The following TTC28 variants were observed in gnomAD, a reference collection of about 807,000 sequenced individuals.
TTC28 encodes tetratricopeptide repeat domain 28, also known as tetratricopeptide repeat protein 28.
In TTC28, 61 loss-of-function variants were observed where a neutral mutation model predicts 198.0. The ratio of observed to expected loss-of-function variants is 0.31; its 90% CI spans 0.25 to 0.38. The LOEUF (loss-of-function observed/expected upper bound fraction) is 0.38. Among genes scored for constraint, TTC28 ranks in the 10% least tolerant of loss-of-function variants. The probability of loss-of-function intolerance (pLI) is 1.00; values close to 1 mark genes in which losing one functional copy is unlikely to be tolerated. For missense variants in TTC28, 2,678 were observed against 3,164.0 expected, an observed-to-expected ratio of 0.85 and a Z score of 3.69; for synonymous variants, 1,171 against 1,297.8, an observed-to-expected ratio of 0.90 and a Z score of 2.10.
intron 2 of TTC28, among the ~76,000 whole-genome samples, chr22:28,473,353 C>T (rs1354928620): frequency 6.6e-6 from 1 of 152,128 alleles, no homozygotes; most frequent in Non-Finnish European, 1.5e-5. Flanking sequence ...GGACTCAACT[C>T]TGGAGGTGGG....
intron 6 of TTC28, among the ~76,000 whole-genome samples, chr22:28,129,702 G>A (rs1363922639): frequency 6.6e-6 from 1 of 152,106 alleles, no homozygotes; most frequent in African/African-American, 2.4e-5. Flanking sequence ...TTCACCTCAG[G>A]GGAAATGATT....
intron 2 of TTC28, among the ~76,000 whole-genome samples, chr22:28,577,342 T>C (rs1025151090): frequency 2.0e-5 from 3 of 152,202 alleles, no homozygotes; most frequent in Admixed American, 1.3e-4. Context: ...ATACTTGAGA[T>C]TATTTCAATT....
chr22:28,660,184 C>G (rs183011664), intron 1 of TTC28, among the ~76,000 whole-genome samples: 7 of 152,238 alleles, frequency 4.6e-5, no homozygotes, highest in African/African-American at 1.2e-4. Flanking sequence ...AATTCTGAAT[C>G]AAAACACAAC....
intron 6 of TTC28, among the ~76,000 whole-genome samples, chr22:28,125,898 C>T (rs959723754): frequency 6.6e-6 from 1 of 152,096 alleles, no homozygotes; most frequent in Non-Finnish European, 1.5e-5. Flanking sequence ...TATGAGGCAT[C>T]TGCATAAAGT....
chr22:28,599,576 G>T (rs1358758883), intron 2 of TTC28, among the ~76,000 whole-genome samples: 1 of 152,052 alleles, frequency 6.6e-6, no homozygotes, highest in Non-Finnish European at 1.5e-5. Context: ...ATCCCTTGAG[G>T]CCAGGAGCTC....
rs184991469 is a variant in TTC28 at position 28,215,877 on chromosome 22, T to C, written c.934-52278A>G. On this transcript the variant is annotated intron_variant, in intron 5 of 22. Coordinates refer to ENST00000397906, the MANE Select transcript of TTC28 (RefSeq NM_001145418.2). ...TAACTTTTCTTAGTCTTAGGTACAA[T>C]GGTTTTCTTGAAATCAGAGAGAAAA... is the stretch of plus-strand genomic sequence containing the variant. Among the ~76,000 whole-genome samples, 217 of 152,348 alleles carry C rather than the reference T, an allele frequency of 1.4e-3. 1 individual carries two copies. Among genetic ancestry groups the C allele is most frequent in the Non-Finnish European group, 2.6e-3 (178 of 68,034 alleles).
At chr22:28,464,126 A>C (rs1601429863) in intron 2 of TTC28, among the ~76,000 whole-genome samples, 1 of 152,270 alleles carries the variant, frequency 6.6e-6, no homozygotes, top group South Asian at 2.1e-4. Context: ...AACCCTTTCC[A>C]TCATCTTCCT....
chr22:28,267,092 G>A (rs1019746988), intron 5 of TTC28, among the ~76,000 whole-genome samples: 11 of 152,182 alleles, frequency 7.2e-5, no homozygotes, highest in African/African-American at 2.2e-4. Flanking sequence ...ATATTCACTT[G>A]AGAAAACTGA....
intron 5 of TTC28, among the ~76,000 whole-genome samples, chr22:28,233,679 C>T (rs973660601): frequency 2.0e-5 from 3 of 152,156 alleles, no homozygotes; most frequent in East Asian, 3.8e-4. Context: ...AATGTGCATA[C>T]TACAGTCTAA....
At chr22:28,256,808 G>A (rs1930958074) in intron 5 of TTC28, among the ~76,000 whole-genome samples, 1 of 152,250 alleles carries the variant, frequency 6.6e-6, no homozygotes, top group African/African-American at 2.4e-5. Context: ...GGAAGCTGAA[G>A]TGGGAGCATT....
chr22:28,096,891 G>A (rs1386966686), intron 10 of TTC28, among the ~76,000 whole-genome samples: 3 of 151,374 alleles, frequency 2.0e-5, no homozygotes, highest in African/African-American at 7.3e-5. Context: ...TGCAATCTCC[G>A]CCCCCTGGGT....
intron 6 of TTC28, among the ~76,000 whole-genome samples, chr22:28,153,417 A>C (rs980977855): frequency 2.0e-5 from 3 of 150,316 alleles, no homozygotes; most frequent in Non-Finnish European, 4.4e-5. Flanking sequence ...AAAAAAAAAA[A>C]ACCTTCGTTT....
intron 2 of TTC28, among the ~76,000 whole-genome samples, chr22:28,522,488 C>CAA (rs1258320862): frequency 1.8e-4 from 12 of 66,176 alleles, no homozygotes; most frequent in Non-Finnish European, 2.5e-4. Flanking sequence ...AACTCCGTCT[C>CAA]AAAAAAAAAA....
chr22:27,990,174 G>T, intron 20 of TTC28, 167 bp from the exon 21 acceptor site: 1 of 933,088 alleles, frequency 1.1e-6, no homozygotes, highest in Non-Finnish European at 1.5e-6. Context: ...CTACTGTCCT[G>T]CTGTCCTCTC....
chr22:27,985,201 G>A (rs1213281496), intron 22 of TTC28, 48 bp downstream of exon 22: 2 of 1,372,974 alleles, frequency 1.5e-6, no homozygotes, highest in Admixed American at 4.1e-5. Flanking sequence ...CCCCCAGGGA[G>A]AGCATGGCAG....
At chr22:28,452,880 T>G (rs548019510) in intron 2 of TTC28, among the ~76,000 whole-genome samples, 9 of 152,198 alleles carry the variant, frequency 5.9e-5, no homozygotes, top group Non-Finnish European at 1.2e-4. Flanking sequence ...TAGCCCCAGT[T>G]CTTTACCAGA....
At chr22:28,151,145 T>C (rs1410151984) in intron 6 of TTC28, among the ~76,000 whole-genome samples, 1 of 152,220 alleles carries the variant, frequency 6.6e-6, no homozygotes, top group African/African-American at 2.4e-5. Context: ...ATAGAGCTGT[T>C]GTGTTTTCCT....
intron 1 of TTC28, among the ~76,000 whole-genome samples, chr22:28,656,666 C>A (rs1270177010): frequency 6.6e-6 from 1 of 152,190 alleles, no homozygotes; most frequent in African/African-American, 2.4e-5. Context: ...AAATCAGTGA[C>A]TCCAATCTGT....
At chr22:28,088,614 G>C (rs561551491) in intron 12 of TTC28, among the ~76,000 whole-genome samples, 4 of 152,090 alleles carry the variant, frequency 2.6e-5, no homozygotes, top group African/African-American at 9.7e-5. Flanking sequence ...CAAGGACTTC[G>C]TGTATAAAAC....
Sources: allele counts gnomAD v4.1 joint callset (sites outside exome capture counted in the v4.1 genomes callset), GRCh38; gene constraint gnomAD v4.1.1; transcripts MANE v1.5; gene names NCBI Gene and HGNC (gene_info 2026-07-23, HGNC 2026-07-21).